DOCK7: variants seen among roughly 807,000 people sequenced by gnomAD.
DOCK7 encodes the protein dedicator of cytokinesis protein 7.
DOCK7 carries 138 observed loss-of-function variants against 271.0 expected under a neutral mutation model. That is an observed-to-expected ratio of 0.51 (90% CI 0.44 to 0.59). The LOEUF is 0.59. Among genes scored for constraint, DOCK7 ranks in the 20% least tolerant of loss-of-function variants. DOCK7 has a pLI of 0.00. For missense variants in DOCK7, 2,066 were observed against 2,592.4 expected (o/e 0.80, Z 4.41); for synonymous variants, 823 against 876.1 (o/e 0.94, Z 1.07).
intron 13 of DOCK7, 112 bp downstream of exon 13, chr1:62,619,788 A>G: frequency 3.5e-6 from 2 of 570,148 alleles, no homozygotes; most frequent in Non-Finnish European, 2.9e-6. Context: ...CATTGGGCAT[A>G]GAAAAATGTC....
intron 2 of DOCK7, among the ~76,000 whole-genome samples, chr1:62,662,049 T>C (rs1280690787): frequency 6.6e-6 from 1 of 151,052 alleles, no homozygotes; most frequent in East Asian, 1.9e-4. Context: ...ATTATATCAT[T>C]ATAAGTCGAT....
chr1:62,648,551 A>C lies in DOCK7; in HGVS notation c.390-7T>G, dbSNP rs1359680621. 4 of 1,255,278 alleles carry C rather than the reference A, an allele frequency of 3.2e-6. No individual in the cohort carries two copies. Among genetic ancestry groups the C allele is most frequent in the Non-Finnish European group, 4.2e-6 (4 of 948,964 alleles). 77.8% of individuals were successfully genotyped at this position (1,255,278 alleles called of 1,614,324 possible). On this transcript the variant is annotated splice_polypyrimidine_tract_variant and splice_region_variant and intron_variant, in intron 4 of 49. Transcript: ENST00000635253. Reference sequence around the variant, plus strand: ...TGTTCCCAATTTATGATATCTATTAAAGAAAAAAAGTTAAATAAATATCAA... The same window carrying C: ...TGTTCCCAATTTATGATATCTATTACAGAAAAAAAGTTAAATAAATATCAA...
chr1:62,517,588 T>C (rs1644703403), intron 31 of DOCK7, among the ~76,000 whole-genome samples: 1 of 151,988 alleles, frequency 6.6e-6, no homozygotes, highest in African/African-American at 2.4e-5. Flanking sequence ...AGAGTGAAAC[T>C]CTGTCTCAAA....
chr1:62,564,986 A>T (rs1304646608), intron 18 of DOCK7, among the ~76,000 whole-genome samples: 3 of 152,170 alleles, frequency 2.0e-5, no homozygotes, highest in Non-Finnish European at 4.4e-5. Flanking sequence ...ACACCCTCCC[A>T]AGTCTAAACC....
At chr1:62,458,488 A>G (rs2149221812) in intron 48 of DOCK7, 1 of 150,792 alleles carries the variant, frequency 6.6e-6, no homozygotes, top group East Asian at 2.0e-4. Context: ...CACCAATGTC[A>G]TCTGGCACAG....
chr1:62,471,903 AG>A (rs1436256648), intron 48 of DOCK7, among the ~76,000 whole-genome samples: 1 of 152,186 alleles, frequency 6.6e-6, no homozygotes, highest in Non-Finnish European at 1.5e-5. Flanking sequence ...TATAACCATT[AG>A]AATAGTTTAA....
In DOCK7 at chr1:62,510,810, T is replaced by C. The variant is rs1644461509; in HGVS notation, c.4283-137A>G. 4 of 519,970 alleles carry C rather than the reference T, an allele frequency of 7.7e-6. No individual in the cohort carries two copies. In the South Asian group the frequency reaches 1.3e-4, roughly 16 times the overall value. The allele number at this position is 519,970 out of a possible 1,614,324, so 32.2% of individuals were successfully genotyped here. A position where few individuals can be genotyped will look rare whatever the true frequency, so the allele number is the denominator to read the frequency against. Reference sequence around the variant, plus strand: ...TATCCTCAGTACAAGTTGAAAAACCTGACAATGGTGCTTTTTATTAAAAAT... The same window carrying C: ...TATCCTCAGTACAAGTTGAAAAACCCGACAATGGTGCTTTTTATTAAAAAT... On this transcript the variant is annotated intron_variant, in intron 33 of 49. Coordinates refer to ENST00000635253, the MANE Select transcript of DOCK7 (RefSeq NM_001367561.1).
At chr1:62,475,534 G>T in intron 46 of DOCK7, 173 bp downstream of exon 46, 1 of 1,052,892 alleles carries the variant, frequency 9.5e-7, no homozygotes, top group Non-Finnish European at 1.4e-6. Flanking sequence ...AAAAAGCTGG[G>T]GGTGAATTAG....
intron 35 of DOCK7, among the ~76,000 whole-genome samples, chr1:62,506,480 T>G (rs1349849228): frequency 4.0e-5 from 6 of 151,886 alleles, no homozygotes; most frequent in African/African-American, 1.2e-4. Flanking sequence ...TCTTTTTTTT[T>G]TTGTTTTTGA....
At chr1:62,655,284 C>A (rs1037471540) in intron 2 of DOCK7, among the ~76,000 whole-genome samples, 5 of 151,930 alleles carry the variant, frequency 3.3e-5, no homozygotes, top group Admixed American at 6.6e-5. Context: ...CAGTTATAGA[C>A]CAATGAAAAT....
intron 43 of DOCK7, among the ~76,000 whole-genome samples, chr1:62,479,329 T>C (rs757859282): frequency 1.3e-5 from 2 of 152,134 alleles, no homozygotes; most frequent in Non-Finnish European, 2.9e-5. Context: ...TCCAAAAACA[T>C]GTAAAGTTTT....
At chr1:62,655,576 T>C (rs1657919841) in intron 2 of DOCK7, among the ~76,000 whole-genome samples, 1 of 151,906 alleles carries the variant, frequency 6.6e-6, no homozygotes, top group Non-Finnish European at 1.5e-5. Context: ...AGGCGTGAGC[T>C]ACCATGCCTC....
In DOCK7 at chr1:62,513,604, C is replaced by G. The variant is rs759097493; in HGVS notation, c.4122G>C (p.Gly1374=). The G allele has an allele frequency of 3.7e-6, 6 of 1,610,278 alleles. No homozygotes were observed. Among genetic ancestry groups the G allele is most frequent in the Non-Finnish European group, 3.4e-6 (4 of 1,179,042 alleles). ...YLCVSCFEYK[G]KKVFERMNSL... The stretch of plus-strand genomic sequence containing the variant: ...TATTCATTCGTTCAAACACTTTTTT[C>G]CCCTAAAATGTAAACATTAGAAGAG... Residue 1374 remains glycine, a splice_region_variant and synonymous_variant, in exon 33 of 50, where the codon GGG becomes GGC. Coordinates refer to ENST00000635253, the MANE Select transcript of DOCK7 (RefSeq NM_001367561.1).
At chr1:62,638,700 T>C (rs1655603308) in intron 7 of DOCK7, among the ~76,000 whole-genome samples, 1 of 147,888 alleles carries the variant, frequency 6.8e-6, no homozygotes, top group African/African-American at 2.5e-5. Flanking sequence ...AATAGGAAAC[T>C]TGACCACTGC....
intron 35 of DOCK7, among the ~76,000 whole-genome samples, chr1:62,506,834 C>T (rs1432465575): frequency 6.6e-6 from 1 of 150,596 alleles, no homozygotes; most frequent in Non-Finnish European, 1.5e-5. Flanking sequence ...GTAATCCCAG[C>T]TACTTGGGAG....
chr1:62,567,645 A>G (rs957689931), intron 18 of DOCK7, among the ~76,000 whole-genome samples: 1 of 152,136 alleles, frequency 6.6e-6, no homozygotes, highest in African/African-American at 2.4e-5. Flanking sequence ...ATGTATATCT[A>G]TGTAACAAAA....
intron 14 of DOCK7, chr1:62,602,435 G>A (rs1175590839): frequency 6.7e-6 from 10 of 1,492,948 alleles, no homozygotes; most frequent in Non-Finnish European, 9.3e-6. Flanking sequence ...AATATTTACT[G>A]AGAACCTCTT....
chr1:62,543,626 C>A, intron 24 of DOCK7, 30 bp downstream of exon 24: 1 of 1,486,844 alleles, frequency 6.7e-7, no homozygotes, highest in Non-Finnish European at 9.3e-7. Context: ...TTATTTTCCC[C>A]CTCTATGAAT....
intron 12 of DOCK7, among the ~76,000 whole-genome samples, chr1:62,621,861 C>A (rs979464969): frequency 6.6e-6 from 1 of 151,942 alleles, no homozygotes; most frequent in African/African-American, 2.4e-5. Context: ...TTTAAATGGT[C>A]CTTATTCATA....
Sources: gnomAD v4.1 joint callset for allele counts (sites outside exome capture counted in the v4.1 genomes callset) on GRCh38, gnomAD v4.1.1 for gene constraint, MANE v1.5 for transcripts, NCBI Gene and HGNC (gene_info 2026-07-23, HGNC 2026-07-21) for gene names.